Variants in RGR observed in about 807,000 individuals in gnomAD.
The protein encoded by RGR is RPE-retinal G protein-coupled receptor.
In RGR, 30 loss-of-function variants were observed where a neutral mutation model predicts 28.6. The observed-to-expected ratio is 1.05, with a 90% CI of 0.78 to 1.42. The LOEUF (loss-of-function observed/expected upper bound fraction) is 1.42, where lower values mean the gene tolerates loss of function less well. Ranked by LOEUF, RGR falls within the 40% of genes most tolerant of loss-of-function variation. RGR has a pLI of 0.00. For missense variants in RGR, 404 were observed against 375.6 expected (o/e 1.08, Z -0.62); for synonymous variants, 180 against 156.4 (o/e 1.15, Z -1.13).
rs1842731103 is a variant in RGR at position 84,245,115 on chromosome 10, A to T, written c.25A>T (p.Thr9Ser). The change falls in exon 1 of 7, where the codon ACT becomes TCT. Residue 9 changes from threonine (T) to serine (S), a missense_variant. Coordinates refer to ENST00000652092, the MANE Select transcript of RGR (RefSeq NM_001012720.2). ...GATGGCAGAGACCAGTGCCCTGCCC[A>T]CTGGCTTCGGGGAGCTCGAGGTGCT... MAETSALP[T>S]GFGELEVLAV... is the part of the protein sequence containing the mutation. The T allele has an allele frequency of 6.2e-7, 1 of 1,613,648 alleles. No individual in the cohort carries two copies. The highest frequency in any genetic ancestry group is 8.5e-7 in the Non-Finnish European group (1 of 1,179,920).
chr10:84,254,242 A>G (rs1430605763), intron 4 of RGR, 84 bp from the exon 5 acceptor site: 1 of 1,162,250 alleles, frequency 8.6e-7, no homozygotes, highest in Non-Finnish European at 1.3e-6. Flanking sequence ...ACAACCGATC[A>G]TCTAGGGCAG....
chr10:84,247,599 G>C lies in RGR; in HGVS notation c.88G>C (p.Gly30Arg). The C allele has an allele frequency of 1.2e-6, 2 of 1,614,010 alleles. No individual in the cohort carries two copies. Among genetic ancestry groups the C allele is most frequent in the Non-Finnish European group, 1.7e-6 (2 of 1,180,026 alleles). Reference sequence around the variant, plus strand: ...CCCACCCTTCCTTTCAGCTCTCTCCGGTCTCAGCCTCAATACCCTGACCAT... The same window carrying C: ...CCCACCCTTCCTTTCAGCTCTCTCCCGTCTCAGCCTCAATACCCTGACCAT... ...GMVLLVEALS[G>R]LSLNTLTIFS... Residue 30 changes from glycine (G) to arginine (R), a missense_variant, in exon 2 of 7, where the codon GGT becomes CGT. By Grantham distance (125) the Gly-to-Arg change is moderately radical. Coordinates refer to ENST00000652092, the MANE Select transcript of RGR (RefSeq NM_001012720.2).
At chr10:84,257,562 C>T (rs541114656) in intron 5 of RGR, among the ~76,000 whole-genome samples, 4 of 152,318 alleles carry the variant, frequency 2.6e-5, no homozygotes, top group African/African-American at 9.6e-5. Context: ...TAGTGAGACC[C>T]CTTCTGTATT....
intron 2 of RGR, 75 bp downstream of exon 2, chr10:84,247,822 G>A: frequency 3.7e-6 from 6 of 1,607,916 alleles, no homozygotes; most frequent in Non-Finnish European, 5.1e-6. Context: ...GGGCAGCCAG[G>A]CCAAGGGCAT....
At chr10:84,257,782 G>C (rs1041088812) in intron 5 of RGR, 111 bp from the exon 6 acceptor site, 43 of 833,662 alleles carry the variant, frequency 5.2e-5, no homozygotes, top group African/African-American at 4.8e-4. Flanking sequence ...CCCTCCTGAA[G>C]CCTGGTCCAT....
At chr10:84,247,356 G>A (rs1173497704) in intron 1 of RGR, among the ~76,000 whole-genome samples, 1 of 152,208 alleles carries the variant, frequency 6.6e-6, no homozygotes, top group African/African-American at 2.4e-5. Context: ...GAGTATCCAA[G>A]TAAAGATTGA....
intron 5 of RGR, among the ~76,000 whole-genome samples, chr10:84,256,505 ACT>A (rs1842889913): frequency 6.6e-6 from 1 of 151,776 alleles, no homozygotes; most frequent in South Asian, 2.1e-4. Flanking sequence ...CATGAAAGAA[ACT>A]CTTTTTTTTA....
chr10:84,258,480 T>G lies in RGR; in HGVS notation c.745-28T>G, dbSNP rs377640580. ...AGAGAGGATCAGTGGCTTTGAAGCT[T>G]CTTTTCTGGACTTTTCTGCCACAAC... On this transcript the variant is annotated intron_variant, in intron 6 of 6. Coordinates refer to ENST00000652092, the MANE Select transcript of RGR (RefSeq NM_001012720.2). The G allele has an allele frequency of 6.8e-6, 11 of 1,613,968 alleles. No individual in the cohort carries two copies. The African/African-American group carries it at 1.5e-4, about 22-fold the overall frequency.
chr10:84,247,565 A>G lies in RGR; in HGVS notation c.80-26A>G, dbSNP rs200920911. 2.4e-4 allele frequency: 391 copies of G among 1,613,936 alleles called. 1 individual carries two copies. In the South Asian group the frequency reaches 3.3e-3, roughly 14 times the overall value. On this transcript the variant is annotated intron_variant, in intron 1 of 6. Coordinates refer to ENST00000652092, the MANE Select transcript of RGR (RefSeq NM_001012720.2). ...CCCCAGCTGGGCCTCAGCAGCCCCA[A>G]TGCCAGCCCCCACCCTTCCTTTCAG...
At chr10:84,250,528 A>G (rs969283495) in intron 3 of RGR, 2 of 674,902 alleles carry the variant, frequency 3.0e-6, no homozygotes, top group Non-Finnish European at 5.5e-6. Context: ...ACACACACAC[A>G]CACACACACA....
Position 84,257,797 on chromosome 10 carries a change from C to T in RGR, c.631-96C>T. ...CCCTCCTGAAGCCTGGTCCATGCTG[C>T]CCCGCCCTGCTGAGTGCTGACCTGG... On this transcript the variant is annotated intron_variant, in intron 5 of 6. Coordinates refer to ENST00000652092, the MANE Select transcript of RGR (RefSeq NM_001012720.2). 1.4e-5 allele frequency: 14 copies of T among 983,588 alleles called. No individual in the cohort carries two copies. In the South Asian group the frequency reaches 1.9e-4, roughly 13 times the overall value. The allele number at this position is 983,588 out of a possible 1,614,324, so 60.9% of individuals were successfully genotyped here.
rs762090603 is a variant in RGR, at chr10:84,245,180, C to T, written c.79+11C>T. ...TGCTACTGGTGGAAGGTGAGCCAGG[C>T]AGAACCTGGGGTGCAGCGGGGGCCC... On this transcript the variant is annotated intron_variant, in intron 1 of 6. Coordinates refer to ENST00000652092, the MANE Select transcript of RGR (RefSeq NM_001012720.2). 2.5e-6 allele frequency: 4 copies of T among 1,611,570 alleles called. No individual in the cohort carries two copies. In the South Asian group the frequency reaches 3.3e-5, roughly 13 times the overall value.
Position 84,254,433 on chromosome 10 carries a change from G to T in RGR, c.620G>T (p.Gly207Val). The T allele has an allele frequency of 1.9e-6, 3 of 1,613,654 alleles. No homozygotes were observed. Among genetic ancestry groups the T allele is most frequent in the Non-Finnish European group, 2.5e-6 (3 of 1,179,650 alleles). The part of the protein sequence containing the change: ...SLMEQKLGKS[G>V]HLQVNTTLPA... The stretch of plus-strand genomic sequence containing the variant: ...ATGGAGCAGAAACTGGGGAAGAGTG[G>T]CCATCTCCAGGTAAGGACCCCCTTC... Residue 207 changes from glycine to valine, a missense_variant, in exon 5 of 7, where the codon GGC becomes GTC. Gly to Val is a moderately radical substitution (Grantham distance 109). Coordinates refer to ENST00000652092, the MANE Select transcript of RGR (RefSeq NM_001012720.2).
chr10:84,258,039 C>T (rs747483430), intron 6 of RGR, 33 bp downstream of exon 6: 7 of 1,536,180 alleles, frequency 4.6e-6, no homozygotes, highest in Non-Finnish European at 6.3e-6. Context: ...AAACTAGACC[C>T]CTCTCCATCT....
chr10:84,257,169 T>C (rs902507062), intron 5 of RGR, among the ~76,000 whole-genome samples: 8 of 152,178 alleles, frequency 5.3e-5, no homozygotes, highest in Admixed American at 1.3e-4. Flanking sequence ...CGTCCGCGTG[T>C]TTGTGCGGGG....
chr10:84,254,202 T>G, intron 4 of RGR, 124 bp from the exon 5 acceptor site: 1 of 860,606 alleles, frequency 1.2e-6, no homozygotes, highest in Non-Finnish European at 2.0e-6. Context: ...GCAACCACAC[T>G]GCGAGCTTGT....
At chr10:84,257,269 GGA>G (rs1842900197) in intron 5 of RGR, among the ~76,000 whole-genome samples, 1 of 152,144 alleles carries the variant, frequency 6.6e-6, no homozygotes, top group African/African-American at 2.4e-5. Context: ...CCCGCTCTCT[GGA>G]CAAGCCCCTC....
At chr10:84,252,692 T>C (rs910278157) in intron 3 of RGR, among the ~76,000 whole-genome samples, 165 bp from the exon 4 acceptor site, 2 of 152,146 alleles carry the variant, frequency 1.3e-5, no homozygotes, top group East Asian at 3.8e-4. Context: ...AAAACCTCCT[T>C]CTGGCAGGAT....
At position 84,258,433 on chromosome 10, in the gene RGR, C is replaced by T. The variant is rs374920495; in HGVS notation, c.745-75C>T. On this transcript the variant is annotated intron_variant, in intron 6 of 6. Coordinates refer to ENST00000652092, the MANE Select transcript of RGR (RefSeq NM_001012720.2). ...TTGGCAGTTGTAGGTGGAGGGTGAC[C>T]GGGGTCACCAGGTGAGACCAGAGAG... The T allele has an allele frequency of 1.9e-5, 31 of 1,610,756 alleles. 1 individual carries two copies. The highest frequency in any genetic ancestry group is 4.5e-5 in the East Asian group (2 of 44,846).
Sources: gnomAD v4.1 joint callset for allele counts (sites outside exome capture counted in the v4.1 genomes callset) on GRCh38, gnomAD v4.1.1 for gene constraint, MANE v1.5 for transcripts, NCBI Gene and HGNC (gene_info 2026-07-23, HGNC 2026-07-21) for gene names.